HSD17B4: variants seen among roughly 807,000 people sequenced by gnomAD.
HSD17B4 encodes peroxisomal multifunctional enzyme type 2.
In HSD17B4, 70 loss-of-function variants were observed where a neutral mutation model predicts 101.0. The ratio of observed to expected loss-of-function variants is 0.69; its 90% CI spans 0.57 to 0.85. The LOEUF is 0.85. HSD17B4 is among the 40% of genes least tolerant of loss of function. The pLI is 0.00. For synonymous variants in HSD17B4, 347 were observed against 297.1 expected (o/e 1.17, Z -1.73); for missense variants, 984 against 892.4 (o/e 1.10, Z -1.31).
In HSD17B4 at chr5:119,492,107, C is replaced by T; in HGVS notation, c.722C>T (p.Ala241Val). 6.2e-7 allele frequency: 1 copy of T among 1,607,058 alleles called. No individual in the cohort carries two copies. Among genetic ancestry groups the T allele is most frequent in the Non-Finnish European group, 8.5e-7 (1 of 1,173,944 alleles). The part of the protein sequence containing the change: ...EENGGLFEVG[A>V]GWIGKLRWER... ...TCCCCCTCTTTTTGGTAGGTTGGAGCAGGATGGATTGGAAAATGTAAGTCT... is the reference window on the plus strand; with the variant it reads ...TCCCCCTCTTTTTGGTAGGTTGGAGTAGGATGGATTGGAAAATGTAAGTCT... Residue 241 changes from alanine to valine, a missense_variant, in exon 10 of 24, where the codon GCA becomes GTA. Ala to Val is a moderately conservative substitution (Grantham distance 64). Coordinates refer to ENST00000510025, the MANE Select transcript of HSD17B4 (RefSeq NM_000414.4).
intron 12 of HSD17B4, among the ~76,000 whole-genome samples, chr5:119,498,808 A>G (rs530763299): frequency 3.9e-4 from 60 of 152,320 alleles, no homozygotes; most frequent in African/African-American, 1.4e-3. Flanking sequence ...TGAACCTGAG[A>G]GGCAGAGGTT....
chr5:119,520,938 AT>A (rs1467336058), intron 17 of HSD17B4, among the ~76,000 whole-genome samples: 2 of 151,986 alleles, frequency 1.3e-5, no homozygotes, highest in Non-Finnish European at 2.9e-5. Flanking sequence ...GGGATGCATT[AT>A]TTTTACTGTT....
intron 17 of HSD17B4, among the ~76,000 whole-genome samples, chr5:119,520,035 C>T (rs777169924): frequency 2.0e-5 from 3 of 152,090 alleles, no homozygotes; most frequent in Non-Finnish European, 4.4e-5. Context: ...GTTTCCAATA[C>T]GTGTCACCTT....
chr5:119,473,816 C>T (rs1384818898), intron 2 of HSD17B4, 92 bp from the exon 3 acceptor site: 1 of 784,484 alleles, frequency 1.3e-6, no homozygotes, highest in African/African-American at 1.7e-5. Context: ...AAGAGATGTG[C>T]TAGTAATTAG....
At chr5:119,491,112 C>T (rs552229185) in intron 9 of HSD17B4, among the ~76,000 whole-genome samples, 1 of 152,154 alleles carries the variant, frequency 6.6e-6, no homozygotes, top group East Asian at 1.9e-4. Flanking sequence ...TATTTTTTGG[C>T]TCAGCTGGAG....
chr5:119,474,369 C>A, intron 3 of HSD17B4, 32 bp from the exon 4 acceptor site: 7 of 1,510,018 alleles, frequency 4.6e-6, no homozygotes, highest in Non-Finnish European at 6.4e-6. Context: ...GGGAGGTTGC[C>A]GAAATTTCAT....
At position 119,502,022 on chromosome 5, in the gene HSD17B4, T is replaced by G; in HGVS notation, c.1210-19T>G. The G allele has an allele frequency of 1.9e-6, 3 of 1,553,828 alleles. No individual in the cohort carries two copies. In the South Asian group the frequency reaches 3.4e-5, roughly 17 times the overall value. ...GAGCAAGAAAGTTTGCTAATAAAAT[T>G]TTGTTTACCCTAACATAGGTTCTTC... On this transcript the variant is annotated intron_variant, in intron 13 of 23. Coordinates refer to ENST00000510025, the MANE Select transcript of HSD17B4 (RefSeq NM_000414.4).
chr5:119,473,822 A>G, intron 2 of HSD17B4, 86 bp from the exon 3 acceptor site: 2 of 819,566 alleles, frequency 2.4e-6, no homozygotes, highest in Non-Finnish European at 4.2e-6. Context: ...TGTGCTAGTA[A>G]TTAGAATTTC....
At chr5:119,525,127 A>T (rs1753463005) in intron 17 of HSD17B4, 89 bp from the exon 18 acceptor site, 3 of 836,606 alleles carry the variant, frequency 3.6e-6, no homozygotes, top group Admixed American at 3.7e-5. Flanking sequence ...TACAATGCTT[A>T]TACCAATAAC....
intron 8 of HSD17B4, among the ~76,000 whole-genome samples, chr5:119,485,967 A>G (rs1002768918): frequency 6.6e-6 from 1 of 152,176 alleles, no homozygotes; most frequent in African/African-American, 2.4e-5. Flanking sequence ...TTTAATTAAG[A>G]TGTTTGCTGG....
At chr5:119,498,061 G>A (rs1750812047) in intron 12 of HSD17B4, among the ~76,000 whole-genome samples, 1 of 152,150 alleles carries the variant, frequency 6.6e-6, no homozygotes, top group African/African-American at 2.4e-5. Flanking sequence ...AATTGTGATA[G>A]CTCATGTGAA....
chr5:119,538,332 A>G (rs1450373056), intron 23 of HSD17B4, among the ~76,000 whole-genome samples: 3 of 151,996 alleles, frequency 2.0e-5, no homozygotes, highest in Non-Finnish European at 4.4e-5. Flanking sequence ...CTCTCTAGGG[A>G]TATCACTGTG....
chr5:119,514,856 A>T, intron 16 of HSD17B4, 125 bp from the exon 17 acceptor site: 9 of 684,182 alleles, frequency 1.3e-5, no homozygotes, highest in Non-Finnish European at 2.7e-6. Flanking sequence ...ATTTTTTTTA[A>T]ACCCTTTTAT....
chr5:119,527,293 G>A, intron 20 of HSD17B4, 74 bp downstream of exon 20: 1 of 830,342 alleles, frequency 1.2e-6, no homozygotes, highest in Non-Finnish European at 2.1e-6. Context: ...TTTTTGGTTA[G>A]TACTATGGAT....
At chr5:119,479,138 A>G in intron 8 of HSD17B4, 117 bp downstream of exon 8, 3 of 801,548 alleles carry the variant, frequency 3.7e-6, no homozygotes, top group Non-Finnish European at 6.1e-6. Context: ...TTCAATTTCG[A>G]AAGCATTATC....
At chr5:119,495,037 C>T (rs1039676789) in intron 11 of HSD17B4, among the ~76,000 whole-genome samples, 28 of 135,516 alleles carry the variant, frequency 2.1e-4, no homozygotes, top group Admixed American at 1.5e-3. Context: ...AATGACTATT[C>T]GGTTTTTTTT....
intron 14 of HSD17B4, among the ~76,000 whole-genome samples, chr5:119,504,363 T>A (rs1302024778): frequency 6.6e-6 from 1 of 152,214 alleles, no homozygotes; most frequent in East Asian, 1.9e-4. Flanking sequence ...CCAGACTGCT[T>A]TTCATGGTAG....
At chr5:119,528,414 CT>C (rs1753786050) in intron 20 of HSD17B4, among the ~76,000 whole-genome samples, 1 of 152,094 alleles carries the variant, frequency 6.6e-6, no homozygotes, top group African/African-American at 2.4e-5. Context: ...GTTTATTTTA[CT>C]TTTCAAATTC....
chr5:119,514,511 G>A (rs1484696082), intron 16 of HSD17B4, among the ~76,000 whole-genome samples: 1 of 152,124 alleles, frequency 6.6e-6, no homozygotes, highest in Non-Finnish European at 1.5e-5. Context: ...GGAATTTTAA[G>A]TGTTGGCATT....
Sources: allele counts gnomAD v4.1 joint callset (sites outside exome capture counted in the v4.1 genomes callset), GRCh38; gene constraint gnomAD v4.1.1; transcripts MANE v1.5; gene names NCBI Gene and HGNC (gene_info 2026-07-23, HGNC 2026-07-21).